The following ZKSCAN1 variants were observed in gnomAD, a reference collection of about 807,000 sequenced individuals.
ZKSCAN1 encodes the protein zinc finger with KRAB and SCAN domains 1, also known as zinc finger protein with KRAB and SCAN domains 1.
In ZKSCAN1, 14 loss-of-function variants were observed where a neutral mutation model predicts 51.6. The observed-to-expected ratio is 0.27, with a 90% CI of 0.18 to 0.42. The LOEUF is 0.42. ZKSCAN1 is among the 10% of genes least tolerant of loss of function. ZKSCAN1 has a pLI of 1.00. For synonymous variants in ZKSCAN1, 263 were observed against 261.5 expected, an observed-to-expected ratio of 1.01 and a Z score of -0.06; for missense variants, 531 against 710.0, an observed-to-expected ratio of 0.75 and a Z score of 2.86.
rs1791416466 is a variant in ZKSCAN1, at chr7:100,037,548, G to C, written c.*3351G>C. On this transcript the variant is annotated 3_prime_UTR_variant, in exon 6 of 6. Coordinates refer to ENST00000324306, the MANE Select transcript of ZKSCAN1 (RefSeq NM_003439.4). Reference sequence around the variant, plus strand: ...GGAGCCTCCTGAATGTGATGAATACGGCAAAGCCTTTAATCACATCTCAGC... The same window carrying C: ...GGAGCCTCCTGAATGTGATGAATACCGCAAAGCCTTTAATCACATCTCAGC... The C allele has an allele frequency of 1.0e-6, 1 of 985,322 alleles. No homozygotes were observed. The allele number at this position is 985,322 out of a possible 1,614,324, so 61.0% of individuals were successfully genotyped here.
In ZKSCAN1 at chr7:100,034,087, C is replaced by G; in HGVS notation, c.1582C>G (p.Arg528Gly). The G allele has an allele frequency of 6.2e-7, 1 of 1,611,756 alleles. No homozygotes were observed. Among genetic ancestry groups the G allele is most frequent in the Non-Finnish European group, 8.5e-7 (1 of 1,179,176 alleles). ...KCTKCGKAFTRSSTLTLHHRI... is the reference protein window; with the variant it reads ...KCTKCGKAFTGSSTLTLHHRI... ...CACTAAGTGTGGCAAGGCCTTCACC[C>G]GCAGCTCCACCCTCACTCTGCATCA... The change falls in exon 6 of 6, where the codon CGC (arginine) becomes GGC (glycine). Residue 528 changes from arginine to glycine, a missense_variant. Arg to Gly is a moderately radical substitution (Grantham distance 125, BLOSUM62 -2). This residue lies in a region of ZKSCAN1 where 128 missense variants were observed against 219.5 expected (regional missense o/e 0.58). Transcript: ENST00000324306.
chr7:100,044,136 G>C (rs1205460120), downstream of ZKSCAN1, among the ~76,000 whole-genome samples: 1 of 152,042 alleles, frequency 6.6e-6, no homozygotes, highest in African/African-American at 2.4e-5. Flanking sequence ...CCATCCCCCA[G>C]GCGATGTCTG....
intron 1 of ZKSCAN1, among the ~76,000 whole-genome samples, chr7:100,020,781 A>G (rs979929039): frequency 6.6e-6 from 1 of 152,238 alleles, no homozygotes; most frequent in Non-Finnish European, 1.5e-5. Context: ...AACTCGGTTT[A>G]ACCCATCATG....
chr7:100,036,171 A>G lies in ZKSCAN1; in HGVS notation c.*1974A>G, dbSNP rs915515256. The stretch of plus-strand genomic sequence containing the variant: ...GGCCTCTCCTTGGCTTTATGACTTA[A>G]ACCAACTACAACTTCCCTATAGCTT... On this transcript the variant is annotated 3_prime_UTR_variant, in exon 6 of 6. Transcript: ENST00000324306. 23 of 985,392 alleles carry G rather than the reference A, an allele frequency of 2.3e-5. No individual in the cohort carries two copies. The highest frequency in any genetic ancestry group is 1.8e-4 in the Admixed American group (3 of 16,272). The allele number at this position is 985,392 out of a possible 1,614,324, so 61.0% of individuals were successfully genotyped here.
rs1791459200 is a variant in ZKSCAN1 at position 100,038,495 on chromosome 7, T to C, written c.*4298T>C. The C allele has an allele frequency of 5.1e-6, 5 of 985,442 alleles. No homozygotes were observed. Among genetic ancestry groups the C allele is most frequent in the Non-Finnish European group, 6.0e-6 (5 of 829,936 alleles). 61.0% of individuals were successfully genotyped at this position (985,442 alleles called of 1,614,324 possible). A position where few individuals can be genotyped will look rare whatever the true frequency, so the allele number is the denominator to read the frequency against. On this transcript the variant is annotated 3_prime_UTR_variant, in exon 6 of 6. Transcript: ENST00000324306. ...TTTAAACGTGCAGCCTTTTGAATTT[T>C]TCCTCAAAACCAAGAAGTTGACCTC...
downstream of ZKSCAN1, among the ~76,000 whole-genome samples, chr7:100,045,280 G>A (rs1395353264): frequency 6.6e-6 from 1 of 151,750 alleles, no homozygotes. Context: ...GGGTGCGGTG[G>A]CTCACGCCTG....
chr7:100,039,521 G>A lies in ZKSCAN1; in HGVS notation c.*5324G>A, dbSNP rs976426819. On this transcript the variant is annotated 3_prime_UTR_variant, in exon 6 of 6. Transcript: ENST00000324306. Reference sequence around the variant, plus strand: ...TTCTTCCCCTGGTTTGTGATTATTAGGAGAGAGGTTTTGCAAAGACTCGTT... The same window carrying A: ...TTCTTCCCCTGGTTTGTGATTATTAAGAGAGAGGTTTTGCAAAGACTCGTT... The A allele has an allele frequency of 3.0e-6, 3 of 985,186 alleles. No individual in the cohort carries two copies. The African/African-American group carries it at 5.2e-5, about 17-fold the overall frequency. The allele number at this position is 985,186 out of a possible 1,614,324, so 61.0% of individuals were successfully genotyped here.
chr7:100,017,740 A>G (rs1005269359), intron 1 of ZKSCAN1, among the ~76,000 whole-genome samples: 23 of 152,274 alleles, frequency 1.5e-4, no homozygotes, highest in Admixed American at 8.5e-4. Flanking sequence ...GTAGTTTCCT[A>G]CTATCTGGAA....
intron 3 of ZKSCAN1, among the ~76,000 whole-genome samples, chr7:100,028,794 C>CAAA (rs56779174): frequency 3.9e-4 from 32 of 82,984 alleles, no homozygotes; most frequent in Admixed American, 7.1e-4. Context: ...TACATCTTAT[C>CAAA]AAAAAAAAAA....
Position 100,036,481 on chromosome 7 carries a change from C to T in ZKSCAN1, c.*2284C>T. ...CCTGTAATCCCAGCACTTTGGGAGG[C>T]CGAGGTGAGCGGATCACCTGAGGTC... On this transcript the variant is annotated 3_prime_UTR_variant, in exon 6 of 6. Coordinates refer to ENST00000324306, the MANE Select transcript of ZKSCAN1 (RefSeq NM_003439.4). 1.0e-6 allele frequency: 1 copy of T among 977,320 alleles called. No homozygotes were observed. Among genetic ancestry groups the T allele is most frequent in the Non-Finnish European group, 1.2e-6 (1 of 822,570 alleles). 60.5% of individuals were successfully genotyped at this position (977,320 alleles called of 1,614,324 possible). A position where few individuals can be genotyped will look rare whatever the true frequency, so the allele number is the denominator to read the frequency against.
chr7:100,033,376 G>A lies in ZKSCAN1; in HGVS notation c.871G>A (p.Gly291Arg), dbSNP rs745693982. 8 of 1,614,038 alleles carry A rather than the reference G, an allele frequency of 5.0e-6. No individual in the cohort carries two copies. Among genetic ancestry groups the A allele is most frequent in the South Asian group, 3.3e-5 (3 of 91,064 alleles). The change falls in exon 6 of 6, where the codon GGG becomes AGG. Residue 291 changes from glycine to arginine, a missense_variant. Gly to Arg is a moderately radical substitution (Grantham distance 125, BLOSUM62 -2). Around this residue, in one of 2 missense-constraint regions of ZKSCAN1, gnomAD observed 403 missense variants for 490.5 expected, o/e 0.82. Coordinates refer to ENST00000324306, the MANE Select transcript of ZKSCAN1 (RefSeq NM_003439.4). The surrounding 1 kb of genome is among the most constrained non-coding windows in gnomAD (Gnocchi z 4.1). ...AACCTCGGAAGATTCAGCATCACGCGGGGAGACAACAGGAAGATCCCAGAA... is the reference window on the plus strand; with the variant it reads ...AACCTCGGAAGATTCAGCATCACGCAGGGAGACAACAGGAAGATCCCAGAA... ...AETSEDSASR[G>R]ETTGRSQKEF...
In ZKSCAN1 at chr7:100,041,047, T is replaced by C; in HGVS notation, c.*6850T>C. The C allele has an allele frequency of 3.1e-6, 3 of 977,062 alleles. No individual in the cohort carries two copies. The highest frequency in any genetic ancestry group is 2.4e-6 in the Non-Finnish European group (2 of 822,310). 60.5% of individuals were successfully genotyped at this position (977,062 alleles called of 1,614,324 possible). On this transcript the variant is annotated 3_prime_UTR_variant, in exon 6 of 6. Coordinates refer to ENST00000324306, the MANE Select transcript of ZKSCAN1 (RefSeq NM_003439.4). The stretch of plus-strand genomic sequence containing the variant: ...GAACATATGTATTTTTATTAACTTT[T>C]AGTTAAATACAGATTTTACAACGAG...
rs768724502 is a variant in ZKSCAN1 at position 100,030,368 on chromosome 7, T to C, written c.792T>C (p.Phe264=). ...DNRQENYGSA[F]PQGGENRNEN... ...GGCAGGAGAATTATGGGAGCGCATT[T>C]CCCCAGGGTAAGACGGATGCAGGCT... Residue 264 remains phenylalanine, a synonymous_variant, in exon 5 of 6, where the codon TTT becomes TTC. Coordinates refer to ENST00000324306, the MANE Select transcript of ZKSCAN1 (RefSeq NM_003439.4). 1 of 1,613,530 alleles carries C rather than the reference T, an allele frequency of 6.2e-7. No individual in the cohort carries two copies. The highest frequency in any genetic ancestry group is 1.3e-5 in the African/African-American group (1 of 74,890).
At position 100,040,845 on chromosome 7, in the gene ZKSCAN1, A is replaced by C. The variant is rs1791564592; in HGVS notation, c.*6648A>C. On this transcript the variant is annotated 3_prime_UTR_variant, in exon 6 of 6. Transcript: ENST00000324306. ...TAGCCTGCCCTAGCAAGGACAAAGC[A>C]TGTTAGATTAGAGATGCTTCTGCTG... The C allele has an allele frequency of 3.0e-6, 3 of 985,354 alleles. No individual in the cohort carries two copies. The highest frequency in any genetic ancestry group is 3.6e-6 in the Non-Finnish European group (3 of 829,914). The allele number at this position is 985,354 out of a possible 1,614,324, so 61.0% of individuals were successfully genotyped here. A position where few individuals can be genotyped will look rare whatever the true frequency, so the allele number is the denominator to read the frequency against.
chr7:100,039,713 A>G lies in ZKSCAN1; in HGVS notation c.*5516A>G. 2.0e-6 allele frequency: 2 copies of G among 985,454 alleles called. No homozygotes were observed. The highest frequency in any genetic ancestry group is 3.5e-5 in the African/African-American group (2 of 57,352). 61.0% of individuals were successfully genotyped at this position (985,454 alleles called of 1,614,324 possible). ...TAACAGAACTGAAATACACTTAAAC[A>G]GTGACAGCAGTACTTCCCAGGGTGG... On this transcript the variant is annotated 3_prime_UTR_variant, in exon 6 of 6. Coordinates refer to ENST00000324306, the MANE Select transcript of ZKSCAN1 (RefSeq NM_003439.4).
intron 5 of ZKSCAN1, among the ~76,000 whole-genome samples, chr7:100,031,702 A>G (rs887279060): frequency 5.3e-5 from 8 of 152,156 alleles, no homozygotes; most frequent in Non-Finnish European, 8.8e-5. Flanking sequence ...TTACTTGAGC[A>G]CTGTCAGCTC....
chr7:100,035,778 G>A lies in ZKSCAN1; in HGVS notation c.*1581G>A. 1 of 924,946 alleles carries A rather than the reference G, an allele frequency of 1.1e-6. No homozygotes were observed. The highest frequency in any genetic ancestry group is 1.3e-6 in the Non-Finnish European group (1 of 774,894). 57.3% of individuals were successfully genotyped at this position (924,946 alleles called of 1,614,324 possible). A position where few individuals can be genotyped will look rare whatever the true frequency, so the allele number is the denominator to read the frequency against. On this transcript the variant is annotated 3_prime_UTR_variant, in exon 6 of 6. Transcript: ENST00000324306. ...GAGGTGAGGTTATGAAACTTTCATTGGTCCCATCGTTGTGCGCAGGGTGCA... is the reference window on the plus strand; with the variant it reads ...GAGGTGAGGTTATGAAACTTTCATTAGTCCCATCGTTGTGCGCAGGGTGCA...
chr7:100,043,248 T>C (rs1402171767), downstream of ZKSCAN1, among the ~76,000 whole-genome samples: 1 of 151,952 alleles, frequency 6.6e-6, no homozygotes, highest in Non-Finnish European at 1.5e-5. Context: ...TTTTCTTTTA[T>C]AGAGATGGGG....
chr7:100,029,841 G>C lies in ZKSCAN1; in HGVS notation c.581-20G>C, dbSNP rs763085481. ...TCAGAGCGGAGCTGATTTACTCACA[G>C]ACCCTTTCTCCTCCCCCAGCTCTTC... is the stretch of plus-strand genomic sequence containing the variant. On this transcript the variant is annotated intron_variant, in intron 3 of 5. Transcript: ENST00000324306. 1.2e-6 allele frequency: 2 copies of C among 1,612,020 alleles called. No homozygotes were observed. Among genetic ancestry groups the C allele is most frequent in the Admixed American group, 1.7e-5 (1 of 59,950 alleles).
Sources: allele counts gnomAD v4.1 joint callset (sites outside exome capture counted in the v4.1 genomes callset), GRCh38; gene constraint gnomAD v4.1.1; regional missense constraint gnomAD v4.1.1; non-coding constraint Gnocchi (gnomAD v3.1); transcripts MANE v1.5; gene names NCBI Gene and HGNC (gene_info 2026-07-23, HGNC 2026-07-21).